The following OPN3 variants were observed in gnomAD, a reference collection of about 807,000 sequenced individuals.
OPN3 encodes opsin 3.
OPN3 carries 29 observed loss-of-function variants against 33.8 expected under a neutral mutation model. That is an observed-to-expected ratio of 0.86 (90% CI 0.64 to 1.17). The LOEUF (loss-of-function observed/expected upper bound fraction) is 1.17, where lower values mean the gene tolerates loss of function less well. OPN3 is among the 50% of genes most tolerant of loss of function. OPN3 has a pLI of 0.00. For missense variants in OPN3, 437 were observed against 514.1 expected, an observed-to-expected ratio of 0.85 and a Z score of 1.45; for synonymous variants, 216 against 216.1, an observed-to-expected ratio of 1.00 and a Z score of 0.00.
chr1:241,620,240 T>C (rs541173232), intron 1 of OPN3, among the ~76,000 whole-genome samples: 1 of 102,806 alleles, frequency 9.7e-6, no homozygotes, highest in South Asian at 3.7e-4. Flanking sequence ...AGTAGAAATA[T>C]AATGTGAGCC....
intron 1 of OPN3, among the ~76,000 whole-genome samples, chr1:241,608,667 T>C (rs1359154989): frequency 3.3e-5 from 5 of 152,236 alleles, no homozygotes; most frequent in Non-Finnish European, 7.3e-5. Flanking sequence ...AGTAACACTT[T>C]CCTTCTGGTT....
At chr1:241,634,566 A>T (rs1275348699) in intron 1 of OPN3, 1 of 1,613,900 alleles carries the variant, frequency 6.2e-7, no homozygotes, top group South Asian at 1.1e-5. Flanking sequence ...TGACGAAGAC[A>T]ATAGATTCCA....
chr1:241,611,475 A>G (rs1663991813), intron 1 of OPN3, among the ~76,000 whole-genome samples: 1 of 145,050 alleles, frequency 6.9e-6, no homozygotes, highest in Non-Finnish European at 1.5e-5. Flanking sequence ...TTAAAGATTA[A>G]GCACACTTTA....
At chr1:241,628,404 A>G (rs954367897) in intron 1 of OPN3, among the ~76,000 whole-genome samples, 4 of 152,134 alleles carry the variant, frequency 2.6e-5, no homozygotes, top group Non-Finnish European at 5.9e-5. Context: ...ATTAAATTAA[A>G]TCACCTTGAT....
chr1:241,636,711 G>C (rs3765827), intron 1 of OPN3, among the ~76,000 whole-genome samples: 12,617 of 152,092 alleles, frequency 0.083, 595 homozygotes, highest in African/African-American at 0.12. Flanking sequence ...TTATATGAAT[G>C]TACACATGCA....
At position 241,640,004 on chromosome 1, in the gene OPN3, C is replaced by T. The variant is rs1222964388; in HGVS notation, c.251G>A (p.Ser84Asn). The change falls in exon 1 of 4, where the codon AGC becomes AAC. Residue 84 changes from serine to asparagine, a missense_variant. Physicochemically the swap from Ser to Asn is conservative, Grantham distance 46 (BLOSUM62 1). Coordinates refer to ENST00000366554, the MANE Select transcript of OPN3 (RefSeq NM_014322.3). ...GAGGGACACCAGCAGGTCGCTGAGG[C>T]TGATGTTGACCAGGAGGAGGTGAGT... ...TPTHLLLVNI[S>N]LSDLLVSLFG... 2 of 1,613,274 alleles carry T rather than the reference C, an allele frequency of 1.2e-6. No individual in the cohort carries two copies. The highest frequency in any genetic ancestry group is 1.7e-6 in the Non-Finnish European group (2 of 1,179,682).
At chr1:241,632,631 CA>C (rs1664689497) in intron 1 of OPN3, 1 of 152,098 alleles carries the variant, frequency 6.6e-6, no homozygotes. Flanking sequence ...CTCTGGATAA[CA>C]GCTAAGAGGC....
intron 1 of OPN3, chr1:241,631,923 C>T (rs1208574172): frequency 1.3e-5 from 2 of 152,172 alleles, no homozygotes; most frequent in East Asian, 1.9e-4. Flanking sequence ...TTTAGAATCA[C>T]AAAAGGCTGG....
At position 241,593,281 on chromosome 1, in the gene OPN3, T is replaced by C. The variant is rs2147990821; in HGVS notation, c.*1147A>G. On this transcript the variant is annotated 3_prime_UTR_variant, in exon 4 of 4. Coordinates refer to ENST00000366554, the MANE Select transcript of OPN3 (RefSeq NM_014322.3). ...TTTACTAATTTATTCTTCGACTACA[T>C]ACTGCAGCAGAACCAGCAATACACT... 8.1e-6 allele frequency: 3 copies of C among 372,498 alleles called. No individual in the cohort carries two copies. The highest frequency in any genetic ancestry group is 7.5e-5 in the East Asian group (1 of 13,246). 23.1% of individuals were successfully genotyped at this position (372,498 alleles called of 1,614,324 possible). A position where few individuals can be genotyped will look rare whatever the true frequency, so the allele number is the denominator to read the frequency against.
chr1:241,603,214 G>C (rs1171385146), intron 2 of OPN3, among the ~76,000 whole-genome samples: 1 of 152,186 alleles, frequency 6.6e-6, no homozygotes, highest in African/African-American at 2.4e-5. Context: ...TAACTGAAGA[G>C]AGAGTCCTAA....
At chr1:241,603,025 A>AT (rs1287730923) in intron 2 of OPN3, among the ~76,000 whole-genome samples, 1 of 152,204 alleles carries the variant, frequency 6.6e-6, no homozygotes, top group Non-Finnish European at 1.5e-5. Flanking sequence ...GTAGATTGTG[A>AT]TTAAAAACAA....
intron 1 of OPN3, among the ~76,000 whole-genome samples, chr1:241,622,743 T>C (rs1344974518): frequency 6.6e-6 from 1 of 152,270 alleles, no homozygotes; most frequent in Admixed American, 6.5e-5. Flanking sequence ...TTGGCTTCTA[T>C]AACACTTCTC....
intron 1 of OPN3, among the ~76,000 whole-genome samples, chr1:241,622,977 T>C (rs1664308655): frequency 6.6e-6 from 1 of 152,064 alleles, no homozygotes; most frequent in South Asian, 2.1e-4. Context: ...TTGGACAGAC[T>C]CCCTGGCAAT....
intron 1 of OPN3, among the ~76,000 whole-genome samples, chr1:241,609,522 G>A (rs1274400975): frequency 6.6e-6 from 1 of 152,252 alleles, no homozygotes; most frequent in East Asian, 1.9e-4. Flanking sequence ...ACTGTGCTGA[G>A]TAGGTCTTTT....
At chr1:241,610,434 G>A (rs1663959418) in intron 1 of OPN3, among the ~76,000 whole-genome samples, 1 of 152,154 alleles carries the variant, frequency 6.6e-6, no homozygotes, top group Non-Finnish European at 1.5e-5. Flanking sequence ...TTGATGAACA[G>A]GAGAATTTTA....
chr1:241,604,526 C>G lies in OPN3; in HGVS notation c.427G>C (p.Val143Leu). Residue 143 changes from valine to leucine, a missense_variant, in exon 2 of 4, where the codon GTG becomes CTG. By Grantham distance (32) the Val-to-Leu change is conservative. Coordinates refer to ENST00000366554, the MANE Select transcript of OPN3 (RefSeq NM_014322.3). ...TVLAYERYIR[V>L]VHARVINFSW... Reference sequence around the variant, plus strand: ...AAATTGATCACTCTGGCATGGACCACGCGAATGTAACGTTCATAGGCCAGC... The same window carrying G: ...AAATTGATCACTCTGGCATGGACCAGGCGAATGTAACGTTCATAGGCCAGC... 6.2e-7 allele frequency: 1 copy of G among 1,614,010 alleles called. No homozygotes were observed. The highest frequency in any genetic ancestry group is 8.5e-7 in the Non-Finnish European group (1 of 1,179,994).
At chr1:241,626,899 A>G (rs746212883) in intron 1 of OPN3, among the ~76,000 whole-genome samples, 1 of 152,188 alleles carries the variant, frequency 6.6e-6, no homozygotes, top group Non-Finnish European at 1.5e-5. Flanking sequence ...CAAGGATTAA[A>G]CTATAAAATG....
chr1:241,620,329 G>A (rs754208782), intron 1 of OPN3, among the ~76,000 whole-genome samples: 7 of 152,184 alleles, frequency 4.6e-5, no homozygotes, highest in Non-Finnish European at 1.0e-4. Context: ...TACCCAACTG[G>A]TATGGACTGG....
At chr1:241,629,207 T>C (rs1027122817) in intron 1 of OPN3, 4 of 152,222 alleles carry the variant, frequency 2.6e-5, no homozygotes, top group Non-Finnish European at 2.9e-5. Context: ...TTTGTACAAA[T>C]AGCTTTTCTT....
Sources: gnomAD v4.1 joint callset for allele counts (sites outside exome capture counted in the v4.1 genomes callset) on GRCh38, gnomAD v4.1.1 for gene constraint, MANE v1.5 for transcripts, NCBI Gene and HGNC (gene_info 2026-07-23, HGNC 2026-07-21) for gene names.